KAT6B: variants seen among roughly 807,000 people sequenced by gnomAD.
KAT6B encodes lysine acetyltransferase 6B.
KAT6B carries 10 observed loss-of-function variants against 187.5 expected under a neutral mutation model. That is an observed-to-expected ratio of 0.05 (90% confidence interval 0.03 to 0.09). The LOEUF is 0.09. Ranked by LOEUF, KAT6B falls within the 10% of genes least tolerant of loss-of-function variation. The pLI is 1.00. For synonymous variants in KAT6B, 861 were observed against 926.8 expected (o/e 0.93, Z 1.29); for missense variants, 1,952 against 2,558.9 (o/e 0.76, Z 5.12).
At chr10:74,874,123 A>G (rs1328024796) in intron 3 of KAT6B, among the ~76,000 whole-genome samples, 1 of 152,218 alleles carries the variant, frequency 6.6e-6, no homozygotes, top group East Asian at 1.9e-4. Flanking sequence ...TAATATTCAC[A>G]TATGTGTATA....
At chr10:74,908,000 G>C (rs1393026363) in intron 3 of KAT6B, among the ~76,000 whole-genome samples, 5 of 152,102 alleles carry the variant, frequency 3.3e-5, no homozygotes, top group African/African-American at 1.2e-4. Context: ...GGATCACCAG[G>C]GCTTTGCCTT....
At chr10:74,840,658 T>C (rs1161421874) in intron 2 of KAT6B, among the ~76,000 whole-genome samples, 2 of 152,210 alleles carry the variant, frequency 1.3e-5, no homozygotes, top group Non-Finnish European at 2.9e-5. Context: ...GGATCTTTTA[T>C]TGGATAACTA....
chr10:75,021,332 A>G, intron 15 of KAT6B, 47 bp downstream of exon 15: 1 of 1,587,102 alleles, frequency 6.3e-7, no homozygotes, highest in East Asian at 2.2e-5. Context: ...TCAATCTTGT[A>G]GCATTCTTAA....
chr10:74,878,619 C>CAAAAA (rs11365400), intron 3 of KAT6B, among the ~76,000 whole-genome samples: 1 of 71,982 alleles, frequency 1.4e-5, no homozygotes, highest in African/African-American at 4.3e-5. Flanking sequence ...GACTCCATCT[C>CAAAAA]AAAAAAAAAA....
chr10:75,031,210 CT>C lies in KAT6B; in HGVS notation c.*166del. On this transcript the variant is annotated 3_prime_UTR_variant, in exon 18 of 18. Coordinates refer to ENST00000287239, the MANE Select transcript of KAT6B (RefSeq NM_012330.4). Reference sequence around the variant, plus strand: ...AAAAAAGCTGTATGCAGCAGAAAGCCTTATACAAGTTGTTTTTCTTTTTTTC... The same window carrying C: ...AAAAAAGCTGTATGCAGCAGAAAGCCTATACAAGTTGTTTTTCTTTTTTTC... 1.3e-6 allele frequency: 1 copy of C among 777,464 alleles called. No individual in the cohort carries two copies. Among genetic ancestry groups the C allele is most frequent in the Non-Finnish European group, 2.1e-6 (1 of 486,938 alleles). The allele number at this position is 777,464 out of a possible 1,614,324, so 48.2% of individuals were successfully genotyped here. A position where few individuals can be genotyped will look rare whatever the true frequency, so the allele number is the denominator to read the frequency against.
chr10:74,983,627 T>G (rs1282470846), intron 11 of KAT6B: 2 of 152,228 alleles, frequency 1.3e-5, no homozygotes, highest in African/African-American at 4.8e-5. Context: ...GCACTGGGAT[T>G]GAAGCTCTCA....
At chr10:74,888,005 C>G (rs1013482445) in intron 3 of KAT6B, among the ~76,000 whole-genome samples, 1 of 152,164 alleles carries the variant, frequency 6.6e-6, no homozygotes, top group Non-Finnish European at 1.5e-5. Flanking sequence ...AGAGAACTGG[C>G]TGGTCCTTCC....
chr10:75,026,038 T>C (rs895488098), intron 17 of KAT6B: 2 of 151,208 alleles, frequency 1.3e-5, no homozygotes, highest in Admixed American at 6.6e-5. Flanking sequence ...TGTGTGCCTA[T>C]AGTCCCAGCT....
chr10:75,022,300 G>C (rs1476639113), intron 16 of KAT6B, 69 bp downstream of exon 16: 11 of 1,545,892 alleles, frequency 7.1e-6, no homozygotes, highest in Non-Finnish European at 7.1e-6. Context: ...CAGACATTCT[G>C]TCTATTAGTA....
In KAT6B at chr10:75,029,084, C is replaced by G; in HGVS notation, c.4260C>G (p.His1420Gln). The change falls in exon 18 of 18, where the codon CAC (histidine) becomes CAG (glutamine). Residue 1420 changes from histidine to glutamine, a missense_variant. By Grantham distance (24) the His-to-Gln change is conservative. Around this residue, in one of 9 missense-constraint regions of KAT6B, gnomAD observed 758 missense variants for 891.4 expected, o/e 0.85. Coordinates refer to ENST00000287239, the MANE Select transcript of KAT6B (RefSeq NM_012330.4). This position sits in a 1 kb window ranked among gnomAD's most constrained non-coding sequence, Gnocchi z 6.2. ...EEEEEDEEPSHNEDHDADDED... is the reference protein window; with the variant it reads ...EEEEEDEEPSQNEDHDADDED... ...AGGAAGAGGATGAAGAGCCATCCCA[C>G]AACGAGGACCATGATGCCGATGACG... 6.2e-7 allele frequency: 1 copy of G among 1,614,178 alleles called. No individual in the cohort carries two copies. The highest frequency in any genetic ancestry group is 8.5e-7 in the Non-Finnish European group (1 of 1,180,032).
chr10:74,952,750 G>A (rs763918669), intron 3 of KAT6B, among the ~76,000 whole-genome samples: 11 of 151,510 alleles, frequency 7.3e-5, no homozygotes, highest in Non-Finnish European at 1.2e-4. Context: ...ATAATGGCGC[G>A]GTCTTGGCTC....
chr10:74,856,055 A>G (rs538298483), intron 3 of KAT6B, among the ~76,000 whole-genome samples: 1 of 152,210 alleles, frequency 6.6e-6, no homozygotes, highest in East Asian at 1.9e-4. Context: ...GACAGTCCAT[A>G]TTTCCCCAAA....
intron 3 of KAT6B, among the ~76,000 whole-genome samples, chr10:74,871,050 T>C (rs1479610556): frequency 6.7e-6 from 1 of 149,492 alleles, no homozygotes; most frequent in Non-Finnish European, 1.5e-5. Context: ...ACTAATTTTT[T>C]TGTGTGTTTT....
chr10:74,968,008 T>C (rs918323856), intron 4 of KAT6B, among the ~76,000 whole-genome samples: 4 of 152,172 alleles, frequency 2.6e-5, no homozygotes, highest in African/African-American at 9.7e-5. Flanking sequence ...TGGTATACTT[T>C]TAAGCTGATG....
intron 3 of KAT6B, among the ~76,000 whole-genome samples, chr10:74,927,379 G>A (rs1313351489): frequency 1.3e-5 from 2 of 151,374 alleles, no homozygotes; most frequent in Non-Finnish European, 2.9e-5. Context: ...ATGATCAGGA[G>A]ATCTGAACTG....
chr10:75,023,653 TTAAC>T (rs1845604696), intron 16 of KAT6B: 2 of 152,168 alleles, frequency 1.3e-5, no homozygotes, highest in Non-Finnish European at 2.9e-5. Flanking sequence ...CAGAATATGA[TTAAC>T]TGGCTACGTG....
intron 3 of KAT6B, among the ~76,000 whole-genome samples, chr10:74,959,705 G>A (rs371885024): frequency 3.7e-4 from 56 of 152,308 alleles, no homozygotes; most frequent in Admixed American, 1.2e-3. Flanking sequence ...CAGGGGAATC[G>A]CTTGAACCCG....
intron 13 of KAT6B, among the ~76,000 whole-genome samples, chr10:75,001,272 G>A (rs1038261332): frequency 6.6e-6 from 1 of 152,122 alleles, no homozygotes; most frequent in Admixed American, 6.5e-5. Flanking sequence ...CGTCCGTAGA[G>A]ATCCCCGGGC....
At chr10:74,939,641 C>T (rs566993528) in intron 3 of KAT6B, among the ~76,000 whole-genome samples, 165 of 152,188 alleles carry the variant, frequency 1.1e-3, no homozygotes, top group African/African-American at 3.3e-3. Flanking sequence ...CCTTGTGATT[C>T]GCCCGCCTCG....
Sources: gnomAD v4.1 joint callset for allele counts (sites outside exome capture counted in the v4.1 genomes callset) on GRCh38, gnomAD v4.1.1 for gene constraint, gnomAD v4.1.1 regional missense constraint, Gnocchi (gnomAD v3.1) non-coding constraint, MANE v1.5 for transcripts, NCBI Gene and HGNC (gene_info 2026-07-23, HGNC 2026-07-21) for gene names.